The following IFT74 variants were observed in gnomAD, a reference collection of about 807,000 sequenced individuals.
IFT74 encodes the protein intraflagellar transport protein 74 homolog.
A neutral mutation model predicts 96.7 loss-of-function variants in IFT74; 92 were observed. That is an observed-to-expected ratio of 0.95 (90% CI 0.80 to 1.13). IFT74 has a LOEUF of 1.13. IFT74 is among the 50% of genes most tolerant of loss of function. The pLI is 0.00. For synonymous variants in IFT74, 223 were observed against 213.2 expected, an observed-to-expected ratio of 1.05 and a Z score of -0.40; for missense variants, 811 against 698.2, an observed-to-expected ratio of 1.16 and a Z score of -1.82.
Position 26,995,955 on chromosome 9 carries a change from A to G in IFT74, c.587+5760A>G, listed in dbSNP as rs1200032556. Reference sequence around the variant, plus strand: ...TCCTCAATATTGGTATTAAAAATAAACATACATTGTAGTTTTCTTTAGATT... The same window carrying G: ...TCCTCAATATTGGTATTAAAAATAAGCATACATTGTAGTTTTCTTTAGATT... On this transcript the variant is annotated intron_variant, in intron 8 of 19. Transcript: ENST00000380062. 6.3e-6 allele frequency: 5 copies of G among 799,486 alleles called. No individual in the cohort carries two copies. The African/African-American group carries it at 6.9e-5, about 11-fold the overall frequency. The allele number at this position is 799,486 out of a possible 1,614,324, so 49.5% of individuals were successfully genotyped here. A position where few individuals can be genotyped will look rare whatever the true frequency, so the allele number is the denominator to read the frequency against.
intron 2 of IFT74, among the ~76,000 whole-genome samples, chr9:26,974,659 G>T (rs1004045427): frequency 1.2e-4 from 18 of 152,148 alleles, no homozygotes; most frequent in Non-Finnish European, 2.6e-4. Context: ...GACCAGGAGA[G>T]TATTCACGTT....
At chr9:26,990,277 A>G (rs1587298040) in intron 8 of IFT74, 82 bp downstream of exon 8, 1 of 673,614 alleles carries the variant, frequency 1.5e-6, no homozygotes, top group East Asian at 3.1e-5. Context: ...ATTTCCTTGT[A>G]AATTTTCTTA....
intron 1 of IFT74, among the ~76,000 whole-genome samples, chr9:26,949,447 T>C (rs183529746): frequency 7.0e-4 from 107 of 152,342 alleles, no homozygotes; most frequent in South Asian, 6.6e-3. Flanking sequence ...CTTTCCACTT[T>C]AACCAATCAA....
chr9:26,975,699 C>G (rs1015517833), intron 2 of IFT74, among the ~76,000 whole-genome samples: 32 of 152,182 alleles, frequency 2.1e-4, no homozygotes, highest in East Asian at 1.9e-4. Flanking sequence ...TTCTCGCCCT[C>G]CGTCCTTTCA....
At chr9:26,956,547 C>T (rs1397205429) in intron 1 of IFT74, 31 bp downstream of exon 1, 1 of 152,374 alleles carries the variant, frequency 6.6e-6, no homozygotes, top group Non-Finnish European at 1.5e-5. Context: ...TCTCTTCCTC[C>T]CTCCCTCCCA....
chr9:27,029,495 C>T (rs940211909), intron 13 of IFT74, among the ~76,000 whole-genome samples: 1 of 152,154 alleles, frequency 6.6e-6, no homozygotes, highest in African/African-American at 2.4e-5. Flanking sequence ...CGCCTGTAAT[C>T]CCAGCATTTT....
Position 27,029,538 on chromosome 9 carries a change from G to A in IFT74, c.1054+434G>A, listed in dbSNP as rs112179676. Among the ~76,000 whole-genome samples, 802 of 151,842 alleles carry A rather than the reference G, an allele frequency of 5.3e-3. 8 individuals carry two copies. The highest frequency in any genetic ancestry group is 0.016 in the African/African-American group (665 of 41,422). ...TGAGGCGGGCAGATCATCGGAGGTC[G>A]GGAGTTCGAGACCAGCCTGACCAAC... On this transcript the variant is annotated intron_variant, in intron 13 of 19. Coordinates refer to ENST00000380062, the MANE Select transcript of IFT74 (RefSeq NM_025103.4).
intron 12 of IFT74, among the ~76,000 whole-genome samples, chr9:27,028,494 G>A (rs914684216): frequency 2.0e-5 from 3 of 152,020 alleles, no homozygotes; most frequent in South Asian, 2.1e-4. Context: ...GCAGTGGCTC[G>A]CGCCTGTAAT....
intron 18 of IFT74, among the ~76,000 whole-genome samples, chr9:27,059,904 C>T (rs1820340054): frequency 6.6e-6 from 1 of 152,156 alleles, no homozygotes; most frequent in Non-Finnish European, 1.5e-5. Context: ...TGGTCCTTTG[C>T]TTTGGAAAAA....
At chr9:27,052,873 G>T (rs1181249135) in intron 16 of IFT74, among the ~76,000 whole-genome samples, 2 of 151,982 alleles carry the variant, frequency 1.3e-5, no homozygotes, top group African/African-American at 4.8e-5. Context: ...TGTTGTTGTT[G>T]TTGTTGTTTG....
intron 8 of IFT74, chr9:26,998,124 T>G (rs759123394): frequency 4.2e-5 from 67 of 1,612,748 alleles, no homozygotes; most frequent in Non-Finnish European, 4.2e-5. Context: ...TGTAGAACTC[T>G]TGTGTCTGTA....
intron 8 of IFT74, among the ~76,000 whole-genome samples, chr9:27,003,062 T>C (rs1050592181): frequency 1.3e-5 from 2 of 152,222 alleles, no homozygotes; most frequent in Non-Finnish European, 2.9e-5. Context: ...GTAAACAGGC[T>C]TGCTTTCTTG....
intron 8 of IFT74, chr9:26,993,931 T>C (rs1237690508): frequency 6.6e-6 from 1 of 152,260 alleles, no homozygotes; most frequent in Admixed American, 6.5e-5. Flanking sequence ...TTTCTCTGCA[T>C]ATGAAGGTAA....
intron 8 of IFT74, among the ~76,000 whole-genome samples, chr9:27,004,184 C>T (rs968213457): frequency 1.1e-4 from 16 of 152,082 alleles, no homozygotes; most frequent in Admixed American, 2.6e-4. Context: ...GAAATGGAGA[C>T]GGAGTATGGT....
chr9:27,004,003 G>C (rs1707741940), intron 8 of IFT74, among the ~76,000 whole-genome samples: 1 of 152,208 alleles, frequency 6.6e-6, no homozygotes. Context: ...TGACTGAGGA[G>C]AGGTGGGTAA....
intron 11 of IFT74, 46 bp from the exon 12 acceptor site, chr9:27,018,601 A>G (rs1441189068): frequency 9.5e-7 from 1 of 1,056,820 alleles, no homozygotes; most frequent in African/African-American, 1.6e-5. Context: ...ATAGCCTTAC[A>G]ATGAGTTATT....
intron 12 of IFT74, among the ~76,000 whole-genome samples, chr9:27,024,634 T>G (rs1451255606): frequency 6.6e-6 from 1 of 152,028 alleles, no homozygotes. Context: ...AAGATCACAC[T>G]AGTACCAGCA....
At chr9:26,959,456 T>C (rs1023737239) in intron 1 of IFT74, among the ~76,000 whole-genome samples, 2 of 152,166 alleles carry the variant, frequency 1.3e-5, no homozygotes, top group Non-Finnish European at 2.9e-5. Context: ...GAAGGATGTA[T>C]GGGACAGTTA....
Position 27,062,610 on chromosome 9 carries a change from G to GTAAT in IFT74, c.1685-5_1685-2dup. On this transcript the variant is annotated splice_region_variant and splice_polypyrimidine_tract_variant and intron_variant, in intron 19 of 19. Transcript: ENST00000380062. ...GACATTGTTTTCCCCCTTAACTCAT[G>GTAAT]TAATTAGTCATAGCAACCAAGAGTC... The GTAAT allele has an allele frequency of 6.8e-7, 1 of 1,468,558 alleles. No homozygotes were observed. Among genetic ancestry groups the GTAAT allele is most frequent in the Non-Finnish European group, 9.5e-7 (1 of 1,056,220 alleles). The allele number at this position is 1,468,558 out of a possible 1,614,324, so 91.0% of individuals were successfully genotyped here.
Sources: allele counts gnomAD v4.1 joint callset (sites outside exome capture counted in the v4.1 genomes callset), GRCh38; gene constraint gnomAD v4.1.1; transcripts MANE v1.5; gene names NCBI Gene and HGNC (gene_info 2026-07-23, HGNC 2026-07-21).